Variants in BICD1 observed in about 807,000 individuals in gnomAD.
BICD1 encodes BICD cargo adaptor 1.
Under a neutral mutation model 92.5 loss-of-function variants are expected in BICD1, and 35 were observed. That is an observed-to-expected ratio of 0.38 (90% CI 0.29 to 0.50). The LOEUF (loss-of-function observed/expected upper bound fraction) is 0.50. Among genes scored for constraint, BICD1 ranks in the 20% least tolerant of loss-of-function variants. The pLI, the probability that BICD1 is intolerant of heterozygous loss-of-function variation, is 0.93. For synonymous variants in BICD1, 429 were observed against 465.1 expected, an observed-to-expected ratio of 0.92 and a Z score of 1.00; for missense variants, 950 against 1,189.8, an observed-to-expected ratio of 0.80 and a Z score of 2.97.
intron 1 of BICD1, among the ~76,000 whole-genome samples, chr12:32,132,276 T>C (rs1482265223): frequency 6.6e-6 from 1 of 151,616 alleles, no homozygotes; most frequent in Non-Finnish European, 1.5e-5. Context: ...ATTAGCTGGG[T>C]GTGGTGGCAG....
intron 1 of BICD1, among the ~76,000 whole-genome samples, chr12:32,184,047 A>C (rs113616702): frequency 6.6e-6 from 1 of 152,172 alleles, no homozygotes; most frequent in African/African-American, 2.4e-5. Context: ...AAGCCTCTCA[A>C]ACATGGCGCC....
At chr12:32,249,487 A>C (rs79448967) in intron 2 of BICD1, among the ~76,000 whole-genome samples, 7,032 of 152,260 alleles carry the variant, frequency 0.046, 215 homozygotes, top group Middle Eastern at 0.11. Context: ...ACAAGAGAGA[A>C]GAGAACTCCA....
Position 32,237,097 on chromosome 12 carries a change from G to A in BICD1, c.426+20638G>A, listed in dbSNP as rs921963584. On this transcript the variant is annotated intron_variant, in intron 2 of 9. Coordinates refer to ENST00000652176, the MANE Select transcript of BICD1 (RefSeq NM_001714.4). The stretch of plus-strand genomic sequence containing the variant: ...TCACCATGTTAGCCAGGATGGTCTC[G>A]ATCTGATCTCCTGACCTTGTGATCT... 4.6e-5 allele frequency among the ~76,000 whole-genome samples: 7 copies of A among 151,824 alleles called. 1 individual carries two copies. The highest frequency in any genetic ancestry group is 6.6e-5 in the Admixed American group (1 of 15,208).
intron 2 of BICD1, among the ~76,000 whole-genome samples, chr12:32,278,888 TA>T (rs1947345383): frequency 6.6e-6 from 1 of 151,822 alleles, no homozygotes; most frequent in Non-Finnish European, 1.5e-5. Flanking sequence ...AATAAATAAA[TA>T]AATAAATTGC....
intron 1 of BICD1, among the ~76,000 whole-genome samples, chr12:32,215,740 G>A (rs529302678): frequency 1.3e-5 from 2 of 151,818 alleles, no homozygotes; most frequent in South Asian, 2.1e-4. Flanking sequence ...ACAAGGTCAG[G>A]GGATCGAAAC....
At chr12:32,193,520 G>A (rs1003951949) in intron 1 of BICD1, among the ~76,000 whole-genome samples, 2 of 152,108 alleles carry the variant, frequency 1.3e-5, no homozygotes, top group Admixed American at 1.3e-4. Context: ...TGTATCAGAG[G>A]TATACCTGTA....
At chr12:32,177,288 C>G (rs948776857) in intron 1 of BICD1, among the ~76,000 whole-genome samples, 1 of 150,428 alleles carries the variant, frequency 6.6e-6, no homozygotes, top group African/African-American at 2.4e-5. Flanking sequence ...GCACTCCAGT[C>G]TGGGCAACAC....
chr12:32,151,600 T>C (rs1192260754), intron 1 of BICD1, among the ~76,000 whole-genome samples: 1 of 152,188 alleles, frequency 6.6e-6, no homozygotes, highest in African/African-American at 2.4e-5. Flanking sequence ...GTTGATTTGA[T>C]ATTGGGTGAT....
At chr12:32,319,677 A>G (rs370497086) in intron 4 of BICD1, among the ~76,000 whole-genome samples, 3 of 152,044 alleles carry the variant, frequency 2.0e-5, no homozygotes, top group African/African-American at 7.3e-5. Context: ...TCCCAGGTTC[A>G]AGCAATTCTC....
intron 2 of BICD1, among the ~76,000 whole-genome samples, chr12:32,235,346 G>T (rs539970754): frequency 5.9e-5 from 9 of 152,266 alleles, no homozygotes; most frequent in African/African-American, 1.9e-4. Flanking sequence ...ATGAAACTAG[G>T]CCTGAAGAGG....
chr12:32,264,320 G>A (rs762858229), intron 2 of BICD1, among the ~76,000 whole-genome samples: 7 of 151,972 alleles, frequency 4.6e-5, no homozygotes, highest in Non-Finnish European at 8.8e-5. Context: ...TTAAAATCCC[G>A]GCATCTACAC....
chr12:32,181,879 C>T lies in BICD1; in HGVS notation c.214-34368C>T, dbSNP rs75553297. On this transcript the variant is annotated intron_variant, in intron 1 of 9. Coordinates refer to ENST00000652176, the MANE Select transcript of BICD1 (RefSeq NM_001714.4). ...CAAAAGCAAAACCTGATCTAGAAGT[C>T]CCTGTGCAGCAGATTGCAGGGAAAG... Among the ~76,000 whole-genome samples, 1,343 of 152,072 alleles carry T rather than the reference C, an allele frequency of 8.8e-3. 23 individuals are homozygous for T. The highest frequency in any genetic ancestry group is 0.028 in the African/African-American group (1,144 of 41,524).
At chr12:32,331,846 C>T (rs780281602) in intron 5 of BICD1, among the ~76,000 whole-genome samples, 4 of 152,128 alleles carry the variant, frequency 2.6e-5, no homozygotes, top group East Asian at 3.8e-4. Context: ...TTGGTCTGCA[C>T]GTTCATGATG....
Position 32,254,916 on chromosome 12 carries a change from A to G in BICD1, c.426+38457A>G, listed in dbSNP as rs181287088. 7.4e-3 allele frequency among the ~76,000 whole-genome samples: 1,124 copies of G among 152,286 alleles called. 10 individuals are homozygous for G. The highest frequency in any genetic ancestry group is 0.034 in the Admixed American group (514 of 15,290). On this transcript the variant is annotated intron_variant, in intron 2 of 9. Coordinates refer to ENST00000652176, the MANE Select transcript of BICD1 (RefSeq NM_001714.4). ...CAGAAGCATTAAGTAAGATGCATTC[A>G]GTGTTTTCATGAGATTCATTCATTC...
intron 2 of BICD1, among the ~76,000 whole-genome samples, chr12:32,264,321 G>A (rs550679522): frequency 6.7e-5 from 10 of 148,874 alleles, no homozygotes; most frequent in African/African-American, 2.5e-4. Flanking sequence ...TAAAATCCCG[G>A]CATCTACACA....
intron 1 of BICD1, among the ~76,000 whole-genome samples, chr12:32,171,245 T>A (rs1342661549): frequency 6.6e-6 from 1 of 152,232 alleles, no homozygotes; most frequent in African/African-American, 2.4e-5. Flanking sequence ...TAGTAACACA[T>A]GCCTGGTGTC....
intron 1 of BICD1, among the ~76,000 whole-genome samples, chr12:32,205,144 A>G (rs531293014): frequency 3.9e-5 from 6 of 152,330 alleles, no homozygotes; most frequent in Non-Finnish European, 5.9e-5. Flanking sequence ...CAGCTACTGC[A>G]TTGTTAGGAC....
At chr12:32,257,420 T>C (rs1202023888) in intron 2 of BICD1, among the ~76,000 whole-genome samples, 1 of 152,164 alleles carries the variant, frequency 6.6e-6, no homozygotes, top group Non-Finnish European at 1.5e-5. Context: ...AGAACTTATG[T>C]AGCATTTTAT....
intron 2 of BICD1, among the ~76,000 whole-genome samples, chr12:32,264,068 G>A (rs1004529505): frequency 3.9e-5 from 6 of 152,108 alleles, no homozygotes; most frequent in Non-Finnish European, 7.4e-5. Flanking sequence ...CTTACAGAAT[G>A]CAAATCATTA....
Sources: allele counts gnomAD v4.1 joint callset (sites outside exome capture counted in the v4.1 genomes callset), GRCh38; gene constraint gnomAD v4.1.1; transcripts MANE v1.5; gene names NCBI Gene and HGNC (gene_info 2026-07-23, HGNC 2026-07-21).